The following ITPR2 variants were observed in gnomAD, a reference collection of about 807,000 sequenced individuals.
The protein encoded by ITPR2 is inositol 1,4,5-trisphosphate-gated calcium channel ITPR2.
A neutral mutation model predicts 317.1 loss-of-function variants in ITPR2; 207 were observed. The observed-to-expected ratio is 0.65, with a 90% CI of 0.58 to 0.73. The LOEUF is 0.73. Among genes scored for constraint, ITPR2 ranks in the 30% least tolerant of loss-of-function variants. The probability of loss-of-function intolerance (pLI) is 0.00; values close to 1 mark genes in which losing one functional copy is unlikely to be tolerated. For synonymous variants in ITPR2, 1,156 were observed against 1,149.1 expected, an observed-to-expected ratio of 1.01 and a Z score of -0.12; for missense variants, 2,613 against 3,284.0, an observed-to-expected ratio of 0.80 and a Z score of 4.99.
intron 1 of ITPR2, among the ~76,000 whole-genome samples, chr12:26,798,151 C>A (rs1023934308): frequency 3.3e-5 from 5 of 152,106 alleles, no homozygotes; most frequent in Non-Finnish European, 7.4e-5. Flanking sequence ...TATCACAGGC[C>A]CCCACAACCC....
At chr12:26,785,065 G>A (rs1393463777) in intron 2 of ITPR2, among the ~76,000 whole-genome samples, 1 of 39,454 alleles carries the variant, frequency 2.5e-5, no homozygotes, top group Non-Finnish European at 6.6e-5. Context: ...CCCTCTGCCT[G>A]GCAACCGCCC....
At chr12:26,563,996 T>A (rs1485205999) in intron 34 of ITPR2, among the ~76,000 whole-genome samples, 2 of 152,176 alleles carry the variant, frequency 1.3e-5, no homozygotes, top group African/African-American at 4.8e-5. Context: ...ATTTAAATAA[T>A]CCTAATTATT....
chr12:26,483,687 C>A lies in ITPR2; in HGVS notation c.6012+11G>T. On this transcript the variant is annotated intron_variant, in intron 42 of 56. Transcript: ENST00000381340. ...TCCCTTTACTAATTAGTCATGGATA[C>A]TTCTGGTTACCTGATTTTCATGGCA... 1 of 1,605,480 alleles carries A rather than the reference C, an allele frequency of 6.2e-7. No individual in the cohort carries two copies. The highest frequency in any genetic ancestry group is 2.2e-5 in the East Asian group (1 of 44,832).
At chr12:26,506,520 CA>C (rs11362827) in intron 37 of ITPR2, among the ~76,000 whole-genome samples, 36,756 of 87,728 alleles carry the variant, frequency 0.42, 5,684 homozygotes, top group South Asian at 0.46. Flanking sequence ...AATCCTGTCT[CA>C]AAAAAAAAAA....
At chr12:26,537,848 C>T (rs1944141335) in intron 37 of ITPR2, among the ~76,000 whole-genome samples, 1 of 152,126 alleles carries the variant, frequency 6.6e-6, no homozygotes, top group Non-Finnish European at 1.5e-5. Context: ...TCATAATGTT[C>T]TGTGTTGTTT....
chr12:26,723,212 C>A (rs1948866293), intron 4 of ITPR2, among the ~76,000 whole-genome samples: 2 of 152,048 alleles, frequency 1.3e-5, no homozygotes, highest in South Asian at 4.2e-4. Flanking sequence ...TTATTACAAT[C>A]ATTTCAAAAA....
chr12:26,391,555 C>CTTTTTTTTTTTTTTTTTTTTTTTTTT lies in ITPR2; in HGVS notation c.7697-3962_7697-3961insAAAAAAAAAAAAAAAAAAAAAAAAAA, dbSNP rs1491173931. On this transcript the variant is annotated intron_variant, in intron 54 of 56. Coordinates refer to ENST00000381340, the MANE Select transcript of ITPR2 (RefSeq NM_002223.4). Reference sequence around the variant, plus strand: ...AGCTTCTTCTTCTTCTTCTTCTTTTCCTTTTTTTTTTTTTTTTTTTTTTTT... The same window carrying CTTTTTTTTTTTTTTTTTTTTTTTTTT: ...AGCTTCTTCTTCTTCTTCTTCTTTTCTTTTTTTTTTTTTTTTTTTTTTTTTTCTTTTTTTTTTTTTTTTTTTTTTTT... Among the ~76,000 whole-genome samples the CTTTTTTTTTTTTTTTTTTTTTTTTTT allele has an allele frequency of 3.0e-4, 21 of 70,854 alleles. 6 individuals are homozygous for CTTTTTTTTTTTTTTTTTTTTTTTTTT. The highest frequency in any genetic ancestry group is 3.6e-4 in the Non-Finnish European group (14 of 38,652). The allele number at this position is 70,854 out of a possible 152,430, so 46.5% of individuals were successfully genotyped here. A position where few individuals can be genotyped will look rare whatever the true frequency, so the allele number is the denominator to read the frequency against.
At chr12:26,497,390 C>T (rs1460289645) in intron 37 of ITPR2, among the ~76,000 whole-genome samples, 1 of 86,368 alleles carries the variant, frequency 1.2e-5, no homozygotes, top group African/African-American at 3.9e-5. Context: ...TCCTGACCTC[C>T]TGATCCGCCT....
intron 2 of ITPR2, among the ~76,000 whole-genome samples, chr12:26,742,098 A>AC (rs896762582): frequency 6.6e-6 from 1 of 152,188 alleles, no homozygotes; most frequent in Non-Finnish European, 1.5e-5. Context: ...CTCTGAGAGG[A>AC]CAGATAAAGA....
chr12:26,442,956 C>A (rs1941519865), intron 46 of ITPR2, among the ~76,000 whole-genome samples: 1 of 152,116 alleles, frequency 6.6e-6, no homozygotes, highest in African/African-American at 2.4e-5. Context: ...AAATGACAGC[C>A]AGATGGGTCT....
chr12:26,416,434 G>A (rs1940722899), intron 50 of ITPR2, among the ~76,000 whole-genome samples: 1 of 152,100 alleles, frequency 6.6e-6, no homozygotes, highest in Non-Finnish European at 1.5e-5. Flanking sequence ...GAATAATTGA[G>A]GTTTGTCTTC....
chr12:26,821,117 C>T (rs1359274579), intron 1 of ITPR2, among the ~76,000 whole-genome samples: 2 of 152,128 alleles, frequency 1.3e-5, no homozygotes, highest in African/African-American at 2.4e-5. Flanking sequence ...TCTTTTTAAA[C>T]GGTCAAAATG....
intron 34 of ITPR2, among the ~76,000 whole-genome samples, chr12:26,567,459 C>A (rs1457407353): frequency 1.3e-5 from 2 of 152,120 alleles, no homozygotes; most frequent in Admixed American, 6.6e-5. Flanking sequence ...ATTATCTAGT[C>A]TCCTGTCTTC....
chr12:26,612,594 T>C (rs1002808108), intron 26 of ITPR2, among the ~76,000 whole-genome samples: 1 of 152,186 alleles, frequency 6.6e-6, no homozygotes, highest in Admixed American at 6.5e-5. Context: ...TATTAATTCA[T>C]TATATAGGTA....
At chr12:26,491,590 C>T (rs1942807223) in intron 39 of ITPR2, among the ~76,000 whole-genome samples, 1 of 150,714 alleles carries the variant, frequency 6.6e-6, no homozygotes, top group African/African-American at 2.4e-5. Flanking sequence ...GACTACTTGT[C>T]ACTGTCTAGG....
At chr12:26,498,216 C>G (rs147825999) in intron 37 of ITPR2, among the ~76,000 whole-genome samples, 8 of 152,270 alleles carry the variant, frequency 5.3e-5, no homozygotes, top group African/African-American at 1.7e-4. Flanking sequence ...GGTGACTAGT[C>G]TCAAAAGAAA....
At chr12:26,442,156 T>C (rs868128915) in intron 46 of ITPR2, among the ~76,000 whole-genome samples, 1 of 152,042 alleles carries the variant, frequency 6.6e-6, no homozygotes, top group South Asian at 2.1e-4. Context: ...TTTAATACCT[T>C]CCCTTCACTT....
chr12:26,709,918 A>T (rs560261739), intron 9 of ITPR2, among the ~76,000 whole-genome samples: 104 of 152,346 alleles, frequency 6.8e-4, no homozygotes, highest in Non-Finnish European at 1.2e-3. Context: ...TTAGATACTT[A>T]AAAAAGTAAA....
At position 26,382,674 on chromosome 12, in the gene ITPR2, C is replaced by CAA. The variant is rs1483044314; in HGVS notation, c.7857+4759_7857+4760insTT. On this transcript the variant is annotated intron_variant, in intron 55 of 56. Coordinates refer to ENST00000381340, the MANE Select transcript of ITPR2 (RefSeq NM_002223.4). The stretch of plus-strand genomic sequence containing the variant: ...AGCAAGAATTTGTCACACACACACA[C>CAA]ACAAAAAAAAAGAATTTGAAAACAG... Among the ~76,000 whole-genome samples the CAA allele has an allele frequency of 2.0e-5, 3 of 149,108 alleles. No individual in the cohort carries two copies. In the Admixed American group the frequency reaches 2.0e-4, roughly 10 times the overall value.
Sources: allele counts gnomAD v4.1 joint callset (sites outside exome capture counted in the v4.1 genomes callset), GRCh38; gene constraint gnomAD v4.1.1; transcripts MANE v1.5; gene names NCBI Gene and HGNC (gene_info 2026-07-23, HGNC 2026-07-21).